WWOX: variants seen among roughly 807,000 people sequenced by gnomAD.
WWOX encodes WW domain containing oxidoreductase.
WWOX carries 69 observed loss-of-function variants against 46.2 expected under a neutral mutation model. The ratio of observed to expected loss-of-function variants is 1.49; its 90% CI spans 1.23 to 1.82. The LOEUF (loss-of-function observed/expected upper bound fraction) is 1.82. Among genes scored for constraint, WWOX ranks in the 40% most tolerant of loss-of-function variants. WWOX has a pLI of 0.00. For missense variants in WWOX, 919 were observed against 542.6 expected, an observed-to-expected ratio of 1.69 and a Z score of -6.89; for synonymous variants, 359 against 202.6, an observed-to-expected ratio of 1.77 and a Z score of -6.56.
intron 8 of WWOX, among the ~76,000 whole-genome samples, chr16:78,932,236 G>C (rs779319793): frequency 9.9e-5 from 15 of 152,140 alleles, no homozygotes; most frequent in Non-Finnish European, 1.9e-4. Flanking sequence ...ATAAAGTATT[G>C]TATCCAATTC....
intron 6 of WWOX, among the ~76,000 whole-genome samples, chr16:78,424,213 G>A (rs1412651715): frequency 6.7e-6 from 1 of 150,278 alleles, no homozygotes; most frequent in African/African-American, 2.5e-5. Flanking sequence ...TGCCTCCTGG[G>A]TTCAAGTGAT....
intron 5 of WWOX, among the ~76,000 whole-genome samples, chr16:78,308,629 T>A (rs56281028): frequency 1.3e-5 from 2 of 152,152 alleles, no homozygotes; most frequent in African/African-American, 4.8e-5. Flanking sequence ...GTAGAGAACA[T>A]CCTTCCCTTT....
In WWOX at chr16:79,174,309, A is replaced by G. The variant is rs564783300; in HGVS notation, c.1057-37299A>G. ...AAAATTATCTTTTCCCCCAAATACAATAATTAGTGCCTTGGCCAGACAAGT... is the reference window on the plus strand; with the variant it reads ...AAAATTATCTTTTCCCCCAAATACAGTAATTAGTGCCTTGGCCAGACAAGT... On this transcript the variant is annotated intron_variant, in intron 8 of 8. Transcript: ENST00000566780. Among the ~76,000 whole-genome samples the G allele has an allele frequency of 6.6e-5, 10 of 152,330 alleles. No individual in the cohort carries two copies. The South Asian group carries it at 1.2e-3, about 19-fold the overall frequency.
chr16:78,807,443 C>A (rs142373048), intron 8 of WWOX, among the ~76,000 whole-genome samples: 7 of 152,210 alleles, frequency 4.6e-5, no homozygotes, highest in African/African-American at 1.7e-4. Flanking sequence ...GTCCATTAAT[C>A]GCTGAATCAT....
chr16:78,188,698 G>A (rs1864029294), intron 5 of WWOX, among the ~76,000 whole-genome samples: 1 of 152,016 alleles, frequency 6.6e-6, no homozygotes, highest in Admixed American at 6.6e-5. Flanking sequence ...AGATGACCCA[G>A]GCTGGAAAAC....
At chr16:78,174,995 ATAG>A (rs1221091296) in intron 5 of WWOX, among the ~76,000 whole-genome samples, 1 of 94,330 alleles carries the variant, frequency 1.1e-5, no homozygotes, top group Non-Finnish European at 2.1e-5. Context: ...CTCAAAAATA[ATAG>A]TAATAATAAT....
At chr16:78,649,529 G>T (rs534631716) in intron 8 of WWOX, among the ~76,000 whole-genome samples, 1 of 152,008 alleles carries the variant, frequency 6.6e-6, no homozygotes, top group African/African-American at 2.4e-5. Flanking sequence ...CTCCTGCCTC[G>T]GCCTCCCAAA....
In WWOX at chr16:79,080,256, A is replaced by T. The variant is rs372149296; in HGVS notation, c.1057-131352A>T. 8.5e-5 allele frequency among the ~76,000 whole-genome samples: 13 copies of T among 152,316 alleles called. No individual in the cohort carries two copies. The East Asian group carries it at 2.3e-3, about 27-fold the overall frequency. On this transcript the variant is annotated intron_variant, in intron 8 of 8. Transcript: ENST00000566780. ...ACACTAGCGATAGAGACAGAAACCC[A>T]CACAGGAGTCCTTTTCTCTGTCTCT...
chr16:78,170,694 A>T (rs1253152491), intron 5 of WWOX, among the ~76,000 whole-genome samples: 1 of 152,216 alleles, frequency 6.6e-6, no homozygotes, highest in Non-Finnish European at 1.5e-5. Context: ...AAGCCATCTT[A>T]ACTATTTATG....
At chr16:78,530,382 T>C (rs1360840072) in intron 8 of WWOX, among the ~76,000 whole-genome samples, 1 of 152,166 alleles carries the variant, frequency 6.6e-6, no homozygotes, top group Non-Finnish European at 1.5e-5. Context: ...GGGATTTTAT[T>C]GCTGATGAAA....
chr16:78,957,578 G>A (rs1046906126), intron 8 of WWOX, among the ~76,000 whole-genome samples: 3 of 152,096 alleles, frequency 2.0e-5, no homozygotes, highest in Non-Finnish European at 2.9e-5. Flanking sequence ...TGAAATACCC[G>A]TGATTCATAA....
At chr16:79,153,333 C>A (rs534611585) in intron 8 of WWOX, among the ~76,000 whole-genome samples, 1 of 152,122 alleles carries the variant, frequency 6.6e-6, no homozygotes, top group Admixed American at 6.5e-5. Flanking sequence ...ACATGAGTCA[C>A]GCCAAGCCGC....
chr16:78,595,304 T>C (rs559904323), intron 8 of WWOX, among the ~76,000 whole-genome samples: 1 of 152,068 alleles, frequency 6.6e-6, no homozygotes, highest in East Asian at 1.9e-4. Context: ...TTTTTCCTCC[T>C]TTTTCCTGAA....
chr16:79,032,591 A>G (rs1187104073), intron 8 of WWOX, among the ~76,000 whole-genome samples: 1 of 148,452 alleles, frequency 6.7e-6, no homozygotes, highest in Non-Finnish European at 1.5e-5. Context: ...TTGGGGGGCA[A>G]AAACATATAT....
intron 5 of WWOX, among the ~76,000 whole-genome samples, chr16:78,272,998 AT>A (rs2079509607): frequency 1.3e-5 from 2 of 152,016 alleles, no homozygotes; most frequent in Non-Finnish European, 2.9e-5. Flanking sequence ...GATTACAGGG[AT>A]TTTTGTTTGT....
chr16:78,504,773 C>G (rs988432035), intron 8 of WWOX, among the ~76,000 whole-genome samples: 2 of 151,938 alleles, frequency 1.3e-5, no homozygotes, highest in Non-Finnish European at 2.9e-5. Context: ...GAAGCCTCCC[C>G]GTTTACATGC....
intron 8 of WWOX, among the ~76,000 whole-genome samples, chr16:78,771,845 C>T (rs1044125349): frequency 2.0e-5 from 3 of 151,818 alleles, no homozygotes; most frequent in Non-Finnish European, 2.9e-5. Context: ...TGAGCTTTAA[C>T]GAGTTCAGTC....
intron 8 of WWOX, among the ~76,000 whole-genome samples, chr16:79,008,108 A>G (rs1213856190): frequency 6.6e-6 from 1 of 152,146 alleles, no homozygotes; most frequent in Non-Finnish European, 1.5e-5. Flanking sequence ...TTGGTTATTA[A>G]CAGAATTCAT....
chr16:79,135,705 C>A (rs1597406216), intron 8 of WWOX, among the ~76,000 whole-genome samples: 1 of 152,128 alleles, frequency 6.6e-6, no homozygotes, highest in Non-Finnish European at 1.5e-5. Flanking sequence ...CTGTGTAACA[C>A]ACAGATGCTG....
Sources: allele counts gnomAD v4.1 joint callset (sites outside exome capture counted in the v4.1 genomes callset), GRCh38; gene constraint gnomAD v4.1.1; transcripts MANE v1.5; gene names NCBI Gene and HGNC (gene_info 2026-07-23, HGNC 2026-07-21).